Variants in LZIC observed in about 807,000 individuals in gnomAD.
LZIC encodes leucine zipper and CTNNBIP1 domain containing, also known as protein LZIC.
In LZIC, 28 loss-of-function variants were observed where a neutral mutation model predicts 25.4. That is an observed-to-expected ratio of 1.10 (90% CI 0.82 to 1.51). The LOEUF (loss-of-function observed/expected upper bound fraction) is 1.51, where lower values mean the gene tolerates loss of function less well. Among genes scored for constraint, LZIC ranks in the 40% most tolerant of loss-of-function variants. The pLI, the probability that LZIC is intolerant of heterozygous loss-of-function variation, is 0.00. For missense variants in LZIC, 170 were observed against 211.1 expected (o/e 0.81, Z 1.21); for synonymous variants, 65 against 70.7 (o/e 0.92, Z 0.40).
intron 2 of LZIC, among the ~76,000 whole-genome samples, chr1:9,937,780 T>G (rs1478893426): frequency 1.4e-5 from 2 of 141,606 alleles, no homozygotes; most frequent in Non-Finnish European, 3.0e-5. Context: ...CCCAGGAATT[T>G]GAGGTTGCAG....
downstream of LZIC, among the ~76,000 whole-genome samples, chr1:9,924,621 T>C (rs2101571565): frequency 6.6e-6 from 1 of 152,298 alleles, no homozygotes; most frequent in Non-Finnish European, 1.5e-5. Context: ...CCCAAAGTAC[T>C]GGGATTATAG....
intron 2 of LZIC, among the ~76,000 whole-genome samples, chr1:9,940,964 G>T (rs1440650994): frequency 6.6e-6 from 1 of 152,134 alleles, no homozygotes; most frequent in Non-Finnish European, 1.5e-5. Context: ...TGTCTTTTCA[G>T]AGTTAGTTTC....
At chr1:9,938,121 C>A (rs1640541683) in intron 2 of LZIC, among the ~76,000 whole-genome samples, 1 of 152,042 alleles carries the variant, frequency 6.6e-6, no homozygotes, top group Non-Finnish European at 1.5e-5. Flanking sequence ...CCCAAACACT[C>A]CAGATATTAT....
chr1:9,930,009 T>C lies in LZIC; in HGVS notation c.*390A>G, dbSNP rs1176519188. The C allele has an allele frequency of 1.9e-5, 19 of 999,694 alleles. No homozygotes were observed. The highest frequency in any genetic ancestry group is 2.3e-5 in the Non-Finnish European group (19 of 838,136). The allele number at this position is 999,694 out of a possible 1,614,324, so 61.9% of individuals were successfully genotyped here. A position where few individuals can be genotyped will look rare whatever the true frequency, so the allele number is the denominator to read the frequency against. Reference sequence around the variant, plus strand: ...ATGAAGTCTATTGAGCTTGCGTCACTGTTCACTCCAATGAGTGGGGATAAG... The same window carrying C: ...ATGAAGTCTATTGAGCTTGCGTCACCGTTCACTCCAATGAGTGGGGATAAG... On this transcript the variant is annotated 3_prime_UTR_variant, in exon 8 of 8. Transcript: ENST00000377223.
intron 2 of LZIC, among the ~76,000 whole-genome samples, chr1:9,937,793 A>G (rs951247087): frequency 1.5e-5 from 2 of 137,636 alleles, no homozygotes; most frequent in African/African-American, 5.3e-5. Flanking sequence ...GGTTGCAGTG[A>G]GCCATGATCT....
intron 2 of LZIC, among the ~76,000 whole-genome samples, chr1:9,941,741 C>T (rs1640750534): frequency 6.6e-6 from 1 of 152,140 alleles, no homozygotes; most frequent in Non-Finnish European, 1.5e-5. Context: ...TCGTGATCTG[C>T]CTGCCTCGGC....
chr1:9,933,275 A>T (rs1295311392), intron 5 of LZIC, among the ~76,000 whole-genome samples: 2 of 140,808 alleles, frequency 1.4e-5, no homozygotes, highest in African/African-American at 2.6e-5. Flanking sequence ...AAAAAAAAAA[A>T]AAAAAAAAAT....
chr1:9,942,547 A>C (rs1483345912), intron 2 of LZIC, 77 bp downstream of exon 2: 4 of 599,630 alleles, frequency 6.7e-6, no homozygotes, highest in Non-Finnish European at 1.0e-5. Context: ...AATGTGGTGC[A>C]CTTTTCACTT....
downstream of LZIC, among the ~76,000 whole-genome samples, chr1:9,924,379 G>T (rs1639931113): frequency 6.6e-6 from 1 of 151,938 alleles, no homozygotes; most frequent in Admixed American, 6.6e-5. Context: ...TTTTGAGACG[G>T]AGTCTTGCTC....
intron 2 of LZIC, among the ~76,000 whole-genome samples, chr1:9,937,897 A>C (rs1325921404): frequency 6.6e-6 from 1 of 151,756 alleles, no homozygotes; most frequent in Non-Finnish European, 1.5e-5. Flanking sequence ...AAGATAGTTA[A>C]ACAAAGAAAA....
In LZIC at chr1:9,931,987, ACAAAGTC is replaced by A. The variant is rs745868781; in HGVS notation, c.433-22_433-16del. 1.2e-6 allele frequency: 2 copies of A among 1,606,080 alleles called. No individual in the cohort carries two copies. The highest frequency in any genetic ancestry group is 8.5e-7 in the Non-Finnish European group (1 of 1,174,214). Reference sequence around the variant, plus strand: ...TCTGCAGTCAGCTAAACAAAATGAAACAAAGTCCAGTTGAGTGGGTAAATGTTACAGG... The same window carrying A: ...TCTGCAGTCAGCTAAACAAAATGAAACAGTTGAGTGGGTAAATGTTACAGG... On this transcript the variant is annotated splice_polypyrimidine_tract_variant and intron_variant, in intron 6 of 7. Transcript: ENST00000377223.
chr1:9,934,911 T>A lies in LZIC; in HGVS notation c.238-51A>T, dbSNP rs545283467. The stretch of plus-strand genomic sequence containing the variant: ...AACCAAAATAGTCCAACAAATCAGA[T>A]ATTGCAATAACTGATTGACGGATCC... On this transcript the variant is annotated intron_variant, in intron 4 of 7. Coordinates refer to ENST00000377223, the MANE Select transcript of LZIC (RefSeq NM_032368.5). 385 of 1,300,836 alleles carry A rather than the reference T, an allele frequency of 3.0e-4. 8 individuals carry two copies. In the South Asian group the frequency reaches 4.4e-3, roughly 15 times the overall value. 80.6% of individuals were successfully genotyped at this position (1,300,836 alleles called of 1,614,324 possible).
At chr1:9,924,167 T>C (rs1305061025), downstream of LZIC, among the ~76,000 whole-genome samples, 3 of 152,364 alleles carry the variant, frequency 2.0e-5, no homozygotes, top group South Asian at 2.1e-4. Flanking sequence ...ATTACAGGCA[T>C]GAGCCACTGT....
intron 4 of LZIC, among the ~76,000 whole-genome samples, 171 bp downstream of exon 4, chr1:9,935,321 A>G (rs562240463): frequency 2.0e-5 from 3 of 152,220 alleles, no homozygotes. Flanking sequence ...CCAGCTCCTC[A>G]GGAGGCTGAG....
At position 9,942,802 on chromosome 1, in the gene LZIC, T is replaced by A; in HGVS notation, c.-167-20A>T. On this transcript the variant is annotated intron_variant, in intron 1 of 7. Coordinates refer to ENST00000377223, the MANE Select transcript of LZIC (RefSeq NM_032368.5). ...GAGATGCTGGAAAAAAGGAAACCAT[T>A]AACAAGTAATTTTATTTGCTATATA... 3 of 718,482 alleles carry A rather than the reference T, an allele frequency of 4.2e-6. No individual in the cohort carries two copies. The highest frequency in any genetic ancestry group is 4.3e-6 in the Non-Finnish European group (2 of 467,772). The allele number at this position is 718,482 out of a possible 1,614,324, so 44.5% of individuals were successfully genotyped here. A position where few individuals can be genotyped will look rare whatever the true frequency, so the allele number is the denominator to read the frequency against.
chr1:9,932,990 G>T (rs1640292921), intron 5 of LZIC, 92 bp from the exon 6 acceptor site: 2 of 825,980 alleles, frequency 2.4e-6, no homozygotes, highest in South Asian at 2.9e-5. Context: ...AGTGGCTCAC[G>T]CCTATAATCT....
At chr1:9,935,150 C>T (rs1026296482) in intron 4 of LZIC, among the ~76,000 whole-genome samples, 11 of 151,810 alleles carry the variant, frequency 7.2e-5, no homozygotes, top group Non-Finnish European at 1.5e-4. Flanking sequence ...AAACTAAAGG[C>T]CAGGCACAGT....
downstream of LZIC, among the ~76,000 whole-genome samples, chr1:9,925,739 G>A (rs1433010300): frequency 6.6e-6 from 1 of 151,718 alleles, no homozygotes. Context: ...ACAGGCACAC[G>A]CCACCACACC....
At chr1:9,936,702 T>C in intron 2 of LZIC, 75 bp from the exon 3 acceptor site, 3 of 991,026 alleles carry the variant, frequency 3.0e-6, no homozygotes, top group Middle Eastern at 2.2e-4. Flanking sequence ...TTATTTTTTG[T>C]AGAGACAGAG....
Sources: gnomAD v4.1 joint callset for allele counts (sites outside exome capture counted in the v4.1 genomes callset) on GRCh38, gnomAD v4.1.1 for gene constraint, MANE v1.5 for transcripts, NCBI Gene and HGNC (gene_info 2026-07-23, HGNC 2026-07-21) for gene names.